Variants in SMIM22 observed in about 807,000 individuals in gnomAD.
SMIM22 encodes the protein small integral membrane protein 22, also known as cancer associated small integral membrane open reading frame 1.
A neutral mutation model predicts 8.4 loss-of-function variants in SMIM22; 16 were observed. The observed-to-expected ratio is 1.90, with a 90% confidence interval of 1.29 to 2.89. The LOEUF (loss-of-function observed/expected upper bound fraction) is 2.89, where lower values mean the gene tolerates loss of function less well. Ranked by LOEUF, SMIM22 falls within the 30% of genes most tolerant of loss-of-function variation. The pLI, the probability that SMIM22 is intolerant of heterozygous loss-of-function variation, is 0.00. For missense variants in SMIM22, 159 were observed against 107.5 expected (o/e 1.48, Z -2.12); for synonymous variants, 67 against 47.6 (o/e 1.41, Z -1.68).
Position 4,796,421 on chromosome 16 carries a change from G to C in SMIM22, c.*190G>C, listed in dbSNP as rs1362115749. On this transcript the variant is annotated 3_prime_UTR_variant, in exon 4 of 4. Coordinates refer to ENST00000586005, the MANE Select transcript of SMIM22 (RefSeq NM_001253794.2). ...GTCATCCTCAGTCACCTAGCTGGGAGGGGAGCTGGTCTCAGGCCGGGCGCG... is the reference window on the plus strand; with the variant it reads ...GTCATCCTCAGTCACCTAGCTGGGACGGGAGCTGGTCTCAGGCCGGGCGCG... 7.3e-6 allele frequency: 5 copies of C among 684,604 alleles called. No individual in the cohort carries two copies. In the Admixed American group the frequency reaches 1.4e-4, roughly 20 times the overall value. The allele number at this position is 684,604 out of a possible 1,614,324, so 42.4% of individuals were successfully genotyped here.
upstream of SMIM22, among the ~76,000 whole-genome samples, chr16:4,791,718 C>G (rs141425796): frequency 5.6e-3 from 860 of 152,276 alleles, 4 homozygotes; most frequent in South Asian, 0.014. Context: ...GACACAGTCT[C>G]ACTCTGTCAC....
At chr16:4,794,119 A>AT (rs1348121595), upstream of SMIM22, among the ~76,000 whole-genome samples, 1 of 141,486 alleles carries the variant, frequency 7.1e-6, no homozygotes, top group Non-Finnish European at 1.5e-5. Flanking sequence ...TATTATTATT[A>AT]TTTTTTGAGA....
Position 4,796,456 on chromosome 16 carries a change from A to G in SMIM22, c.*225A>G, listed in dbSNP as rs2082646460. The G allele has an allele frequency of 3.5e-6, 2 of 576,106 alleles. No individual in the cohort carries two copies. The highest frequency in any genetic ancestry group is 2.0e-5 in the South Asian group (1 of 49,388). The allele number at this position is 576,106 out of a possible 1,614,324, so 35.7% of individuals were successfully genotyped here. A position where few individuals can be genotyped will look rare whatever the true frequency, so the allele number is the denominator to read the frequency against. On this transcript the variant is annotated 3_prime_UTR_variant, in exon 4 of 4. Transcript: ENST00000586005. ...TCTCAGGCCGGGCGCGGTGGCTCAC[A>G]CCTATAATCCCAGCACTTTGGGAGG... is the stretch of plus-strand genomic sequence containing the variant.
intron 1 of SMIM22, 89 bp downstream of exon 1, chr16:4,795,538 C>T: frequency 2.7e-6 from 2 of 746,670 alleles, no homozygotes; most frequent in Middle Eastern, 4.0e-4. Flanking sequence ...GTAAGGACCA[C>T]AGGGCTGGGC....
At chr16:4,794,143 T>C (rs1292041379), upstream of SMIM22, among the ~76,000 whole-genome samples, 1 of 152,134 alleles carries the variant, frequency 6.6e-6, no homozygotes, top group East Asian at 1.9e-4. Flanking sequence ...AGTCTTGCTC[T>C]GTCACCCAGG....
Position 4,796,213 on chromosome 16 carries a change from C to A in SMIM22, c.249C>A (p.Asn83Lys). Residue 83 changes from asparagine to lysine, a missense_variant, in exon 4 of 4, where the codon AAC becomes AAA. Asn to Lys is a moderately conservative substitution (Grantham distance 94, BLOSUM62 0). Coordinates refer to ENST00000586005, the MANE Select transcript of SMIM22 (RefSeq NM_001253794.2). ...PWKERPKGVDNLALEP is the reference protein window; with the variant it reads ...PWKERPKGVDKLALEP ...AGGAAAGACCCAAGGGAGTGGATAA[C>A]TTGGCCCTGGAACCCTGACCCTGTG... The A allele has an allele frequency of 6.5e-7, 1 of 1,535,994 alleles. No individual in the cohort carries two copies. The highest frequency in any genetic ancestry group is 2.0e-5 in the Admixed American group (1 of 50,984).
intron 3 of SMIM22, 54 bp from the exon 4 acceptor site, chr16:4,796,136 C>A: frequency 6.5e-7 from 1 of 1,535,826 alleles, no homozygotes; most frequent in Non-Finnish European, 8.7e-7. Flanking sequence ...GGGTGCTCAT[C>A]CCCCTAGGGA....
chr16:4,789,618 G>A (rs914208409), intron 2 of SMIM22, among the ~76,000 whole-genome samples: 4 of 152,038 alleles, frequency 2.6e-5, no homozygotes, highest in Non-Finnish European at 5.9e-5. Context: ...TAGCCCCTGC[G>A]CCCAGCCCTT....
chr16:4,789,203 G>A lies in SMIM22; in HGVS notation c.-146+432G>A, dbSNP rs183308345. Among the ~76,000 whole-genome samples the A allele has an allele frequency of 3.7e-3, 559 of 152,160 alleles. 4 individuals are homozygous for A. Among genetic ancestry groups the A allele is most frequent in the African/African-American group, 0.013 (525 of 41,518 alleles). Reference sequence around the variant, plus strand: ...AATTTTGTATTTTTAGTAGAGAAGGGGTTTCACCACATTGGTCAGGCTAGT... The same window carrying A: ...AATTTTGTATTTTTAGTAGAGAAGGAGTTTCACCACATTGGTCAGGCTAGT... On this transcript the variant is annotated intron_variant, in intron 2 of 5. Coordinates refer to the SMIM22 transcript ENST00000589327.
At position 4,795,696 on chromosome 16, in the gene SMIM22, C is replaced by T. The variant is rs1407103034; in HGVS notation, c.-20-19C>T. 1 of 1,531,962 alleles carries T rather than the reference C, an allele frequency of 6.5e-7. No homozygotes were observed. Among genetic ancestry groups the T allele is most frequent in the Non-Finnish European group, 8.7e-7 (1 of 1,145,266 alleles). 94.9% of individuals were successfully genotyped at this position (1,531,962 alleles called of 1,614,324 possible). A position where few individuals can be genotyped will look rare whatever the true frequency, so the allele number is the denominator to read the frequency against. ...GCTGAGCCCAGGATCCTGATGCAGCCTCTGGGGGACCGGGGCAGGTGGCAC... is the reference window on the plus strand; with the variant it reads ...GCTGAGCCCAGGATCCTGATGCAGCTTCTGGGGGACCGGGGCAGGTGGCAC... On this transcript the variant is annotated intron_variant, in intron 1 of 3. Coordinates refer to ENST00000586005, the MANE Select transcript of SMIM22 (RefSeq NM_001253794.2).
chr16:4,794,566 A>G (rs959538347), upstream of SMIM22, among the ~76,000 whole-genome samples: 4 of 152,030 alleles, frequency 2.6e-5, no homozygotes, highest in Admixed American at 2.6e-4. Flanking sequence ...GATTACAGGA[A>G]TGTGCCACCA....
chr16:4,791,681 G>A (rs546956027), upstream of SMIM22, among the ~76,000 whole-genome samples: 1 of 152,104 alleles, frequency 6.6e-6, no homozygotes, highest in African/African-American at 2.4e-5. Flanking sequence ...GCGGGGCTCT[G>A]TGACTTTTGT....
At chr16:4,792,860 A>G (rs371205745), upstream of SMIM22, among the ~76,000 whole-genome samples, 519 of 150,832 alleles carry the variant, frequency 3.4e-3, 2 homozygotes, top group African/African-American at 0.012. Flanking sequence ...CTGTAATCCT[A>G]GCACTTTGGG....
Position 4,795,825 on chromosome 16 carries a change from A to G in SMIM22, c.91A>G (p.Thr31Ala). The G allele has an allele frequency of 6.5e-7, 1 of 1,535,888 alleles. No homozygotes were observed. Reference protein sequence around the residue: ...SHQFFQSTWDTVAFIVFLTFM... With the variant: ...SHQFFQSTWDAVAFIVFLTFM... ...CCAGTTTTTCCAGTCCACATGGGAC[A>G]CTGTTGCCTTCATTGTTTTCCTCAC... Residue 31 changes from threonine to alanine, a missense_variant, in exon 2 of 4, where the codon ACT becomes GCT. Physicochemically the swap from Thr to Ala is moderately conservative, Grantham distance 58. Coordinates refer to ENST00000586005, the MANE Select transcript of SMIM22 (RefSeq NM_001253794.2).
upstream of SMIM22, among the ~76,000 whole-genome samples, chr16:4,794,212 A>T (rs146372751): frequency 1.3e-5 from 2 of 152,020 alleles, no homozygotes; most frequent in Non-Finnish European, 2.9e-5. Flanking sequence ...GGTTCAAGCA[A>T]TTCTCCTGCC....
chr16:4,788,409 AC>A (rs947307210), upstream of SMIM22: 12 of 152,486 alleles, frequency 7.9e-5, no homozygotes, highest in African/African-American at 2.9e-4. Context: ...ACTTGCTGTG[AC>A]CCCCACCTGG....
upstream of SMIM22, among the ~76,000 whole-genome samples, chr16:4,791,143 C>G (rs964304237): frequency 6.6e-6 from 1 of 152,214 alleles, no homozygotes; most frequent in Non-Finnish European, 1.5e-5. Context: ...CCCATGTGAG[C>G]GATGGTCTAA....
At chr16:4,790,590 C>G (rs1039018034), upstream of SMIM22, among the ~76,000 whole-genome samples, 2 of 152,176 alleles carry the variant, frequency 1.3e-5, no homozygotes, top group East Asian at 1.9e-4. Flanking sequence ...CGGTTTGAGA[C>G]CAGCCTGGCC....
At chr16:4,788,841 C>G (rs957460285) in intron 2 of SMIM22, 1 of 152,128 alleles carries the variant, frequency 6.6e-6, no homozygotes, top group Non-Finnish European at 1.5e-5. Context: ...GAGTCTCTGC[C>G]GCTCTGAGTC....
Sources: allele counts gnomAD v4.1 joint callset (sites outside exome capture counted in the v4.1 genomes callset), GRCh38; gene constraint gnomAD v4.1.1; transcripts MANE v1.5; gene names NCBI Gene and HGNC (gene_info 2026-07-23, HGNC 2026-07-21).